Variants in EVC observed in about 807,000 individuals in gnomAD.
EVC encodes evC complex member EVC.
A neutral mutation model predicts 118.9 loss-of-function variants in EVC; 116 were observed. The ratio of observed to expected loss-of-function variants is 0.98; its 90% CI spans 0.84 to 1.14. The LOEUF (loss-of-function observed/expected upper bound fraction) is 1.14. Ranked by LOEUF, EVC falls within the 50% of genes most tolerant of loss-of-function variation. The pLI is 0.00. For synonymous variants in EVC, 619 were observed against 534.7 expected (o/e 1.16, Z -2.18); for missense variants, 1,401 against 1,246.4 (o/e 1.12, Z -1.87).
intron 18 of EVC, among the ~76,000 whole-genome samples, chr4:5,808,825 A>G (rs1479593298): frequency 6.6e-6 from 1 of 152,244 alleles, no homozygotes; most frequent in African/African-American, 2.4e-5. Context: ...GTGAGAGTAT[A>G]AAGTGTGGCT....
At chr4:5,760,589 G>C (rs1237178761) in intron 11 of EVC, among the ~76,000 whole-genome samples, 1 of 152,132 alleles carries the variant, frequency 6.6e-6, no homozygotes, top group African/African-American at 2.4e-5. Flanking sequence ...TTTAGCTCTA[G>C]TTGCCCAGGC....
chr4:5,824,105 T>C, the EVC span, among the ~76,000 whole-genome samples: 3 of 152,304 alleles, frequency 2.0e-5, no homozygotes, highest in East Asian at 5.8e-4. Context: ...ATTCTTGTTC[T>C]AAGAACAACG....
intron 17 of EVC, among the ~76,000 whole-genome samples, chr4:5,807,277 T>G (rs1716066613): frequency 6.6e-6 from 1 of 151,548 alleles, no homozygotes; most frequent in Non-Finnish European, 1.5e-5. Flanking sequence ...GAGTGAGAGG[T>G]GGAGGGATGG....
chr4:5,733,289 T>A, intron 4 of EVC, 62 bp from the exon 5 acceptor site: 1 of 1,390,264 alleles, frequency 7.2e-7, no homozygotes, highest in Non-Finnish European at 1.0e-6. Flanking sequence ...GACGTGCCAA[T>A]ATTCTTACTC....
intron 4 of EVC, among the ~76,000 whole-genome samples, chr4:5,732,117 C>T (rs905633712): frequency 7.0e-6 from 1 of 142,056 alleles, no homozygotes; most frequent in Non-Finnish European, 1.6e-5. Context: ...CTGTCATTTC[C>T]TCCAGTTCAC....
chr4:5,716,262 G>A (rs1430076841), intron 1 of EVC, among the ~76,000 whole-genome samples: 5 of 152,250 alleles, frequency 3.3e-5, no homozygotes, highest in African/African-American at 1.2e-4. Context: ...GAAAGCAGAA[G>A]TTACAGGCAA....
chr4:5,758,331 T>A (rs992483627), intron 11 of EVC: 1 of 544,078 alleles, frequency 1.8e-6, no homozygotes, highest in African/African-American at 1.9e-5. Context: ...CGGCGCTTTG[T>A]CATGGCAGCC....
chr4:5,728,717 C>G (rs114162579), intron 2 of EVC, among the ~76,000 whole-genome samples: 1 of 152,322 alleles, frequency 6.6e-6, no homozygotes, highest in Non-Finnish European at 1.5e-5. Flanking sequence ...GTTTAAGGGT[C>G]TAATCCCAAC....
At chr4:5,748,561 CATTT>C (rs1224725842) in intron 8 of EVC, among the ~76,000 whole-genome samples, 17 of 103,418 alleles carry the variant, frequency 1.6e-4, no homozygotes, top group South Asian at 3.6e-4. Flanking sequence ...CCCTCCCACC[CATTT>C]ATCCATCCAT....
rs6811132 is a variant in EVC at position 5,789,479 on chromosome 4, C to T, written c.1777-4129C>T. Among the ~76,000 whole-genome samples the T allele has an allele frequency of 0.25, 38,183 of 152,036 alleles. 5,611 individuals carry two copies. Among genetic ancestry groups the T allele is most frequent in the South Asian group, 0.52 (2,503 of 4,792 alleles). The stretch of plus-strand genomic sequence containing the variant: ...ACCCCCAGCACTCCAGTGTTTGCCT[C>T]GGGAGTTGATTGTAGAGTCCACCCC... On this transcript the variant is annotated intron_variant, in intron 12 of 20. Coordinates refer to ENST00000264956, the MANE Select transcript of EVC (RefSeq NM_153717.3). This position sits in a 1 kb window ranked among gnomAD's most constrained non-coding sequence, Gnocchi z 4.3.
At chr4:5,797,929 A>T (rs1482011887) in intron 14 of EVC, among the ~76,000 whole-genome samples, 1 of 152,202 alleles carries the variant, frequency 6.6e-6, no homozygotes, top group Non-Finnish European at 1.5e-5. Context: ...AGTAAGTTGT[A>T]GAGCTGGGAG....
chr4:5,713,953 A>G (rs529568932), intron 1 of EVC, among the ~76,000 whole-genome samples: 1 of 152,344 alleles, frequency 6.6e-6, no homozygotes, highest in South Asian at 2.1e-4. Flanking sequence ...AGCATGGTGC[A>G]TACAGTGGCT....
intron 15 of EVC, chr4:5,801,710 T>G (rs1715011552): frequency 2.0e-6 from 1 of 498,764 alleles, no homozygotes; most frequent in Admixed American, 3.2e-5. Context: ...GGAAGGCCTC[T>G]TAGCCGACTT....
rs775558967 is a variant in EVC at position 5,753,097 on chromosome 4, TG to T, written c.1315+48del. The stretch of plus-strand genomic sequence containing the variant: ...GCCGCCGTCCACAACACTGGCCTTC[TG>T]GGTCCCTGGGGCTGTGCAGTGAGAG... On this transcript the variant is annotated intron_variant, in intron 9 of 20. Transcript: ENST00000264956. The T allele has an allele frequency of 4.6e-5, 70 of 1,516,088 alleles. 2 individuals carry two copies. The South Asian group carries it at 8.2e-4, about 18-fold the overall frequency. 93.9% of individuals were successfully genotyped at this position (1,516,088 alleles called of 1,614,324 possible). A position where few individuals can be genotyped will look rare whatever the true frequency, so the allele number is the denominator to read the frequency against.
chr4:5,781,167 G>A (rs564738292), intron 11 of EVC, among the ~76,000 whole-genome samples: 20 of 152,280 alleles, frequency 1.3e-4, no homozygotes, highest in African/African-American at 2.6e-4. Context: ...AGGAGACCTC[G>A]AATTGATTTT....
chr4:5,722,692 T>A (rs1306565752), intron 2 of EVC, among the ~76,000 whole-genome samples: 1 of 152,224 alleles, frequency 6.6e-6, no homozygotes, highest in Non-Finnish European at 1.5e-5. Context: ...CCTTTAAGGA[T>A]GCATTTATGC....
chr4:5,797,906 G>A (rs150667232), intron 14 of EVC, among the ~76,000 whole-genome samples: 15 of 152,312 alleles, frequency 9.8e-5, no homozygotes, highest in Admixed American at 6.5e-4. Flanking sequence ...ATAACAGATC[G>A]AAAGAAATAA....
the EVC span, chr4:5,821,385 A>G: frequency 4.5e-6 from 1 of 220,766 alleles, no homozygotes; most frequent in African/African-American, 2.2e-5. This position sits in a 1 kb window ranked among gnomAD's most constrained non-coding sequence, Gnocchi z 4.4. Flanking sequence ...ATTTAGTAAC[A>G]TGCATCAACT....
At chr4:5,752,202 C>G (rs192385168) in intron 8 of EVC, among the ~76,000 whole-genome samples, 9 of 152,122 alleles carry the variant, frequency 5.9e-5, no homozygotes, top group African/African-American at 2.2e-4. Flanking sequence ...TCCTTTCCCC[C>G]TTACTCTCAT....
Sources: gnomAD v4.1 joint callset for allele counts (sites outside exome capture counted in the v4.1 genomes callset) on GRCh38, gnomAD v4.1.1 for gene constraint, Gnocchi (gnomAD v3.1) non-coding constraint, MANE v1.5 for transcripts, NCBI Gene and HGNC (gene_info 2026-07-23, HGNC 2026-07-21) for gene names.